The following CDC42BPB variants were observed in gnomAD, a reference collection of about 807,000 sequenced individuals.
CDC42BPB encodes the protein CDC42 binding protein kinase beta.
Under a neutral mutation model 214.9 loss-of-function variants are expected in CDC42BPB, and 37 were observed. The observed-to-expected ratio is 0.17, with a 90% CI of 0.13 to 0.23. The LOEUF is 0.23. Among genes scored for constraint, CDC42BPB ranks in the 10% least tolerant of loss-of-function variants. The pLI is 1.00. For synonymous variants in CDC42BPB, 931 were observed against 884.0 expected (o/e 1.05, Z -0.94); for missense variants, 1,694 against 2,227.0 (o/e 0.76, Z 4.82).
rs1200151719 is a variant in CDC42BPB at position 103,057,355 on chromosome 14, CAG to C, written c.-184_-183del. On this transcript the variant is annotated 5_prime_UTR_variant, in exon 1 of 37. An upstream open reading frame in the 5' UTR loses its in-frame stop. Coordinates refer to ENST00000361246, the MANE Select transcript of CDC42BPB (RefSeq NM_006035.4). ...CATCTTGGGCTCCGTCCCGACGGCG[CAG>C]AGTCTGGGGCGCCGGGCCCCGCGGG... 44 of 1,016,024 alleles carry C rather than the reference CAG, an allele frequency of 4.3e-5. No individual in the cohort carries two copies. The Admixed American group carries it at 5.8e-4, about 13-fold the overall frequency. The allele number at this position is 1,016,024 out of a possible 1,614,324, so 62.9% of individuals were successfully genotyped here.
At chr14:102,945,213 G>GCCCCTGC (rs1318741282) in intron 29 of CDC42BPB, 3 of 457,508 alleles carry the variant, frequency 6.6e-6, no homozygotes, top group South Asian at 4.6e-5. Context: ...GCTCCCCTGG[G>GCCCCTGC]CCCCTGCCCC....
rs759282044 is a variant in CDC42BPB, at chr14:102,964,674, A to C, written c.2578-24T>G. 1.4e-5 allele frequency: 22 copies of C among 1,579,372 alleles called. No homozygotes were observed. In the South Asian group the frequency reaches 2.5e-4, roughly 18 times the overall value. On this transcript the variant is annotated intron_variant, in intron 18 of 36. Coordinates refer to ENST00000361246, the MANE Select transcript of CDC42BPB (RefSeq NM_006035.4). ...TCCTTGAGACACGGTCATGGCGTTA[A>C]AAATGCATTTTCAGTTATCCGCTTG...
In CDC42BPB at chr14:102,946,647, C is replaced by G; in HGVS notation, c.3569G>C (p.Ser1190Thr). 3 of 1,612,782 alleles carry G rather than the reference C, an allele frequency of 1.9e-6. No homozygotes were observed. Among genetic ancestry groups the G allele is most frequent in the Non-Finnish European group, 2.5e-6 (3 of 1,179,948 alleles). The change falls in exon 28 of 37, where the codon AGC becomes ACC. Residue 1190 changes from serine to threonine, a missense_variant. Physicochemically the swap from Ser to Thr is moderately conservative, Grantham distance 58 (BLOSUM62 1). Coordinates refer to ENST00000361246, the MANE Select transcript of CDC42BPB (RefSeq NM_006035.4). ...ATTTTCTGTCAGAATGAGCAGCGAG[C>G]TGGTCTTAGAAGGTGCACCTAAGAG... is the stretch of plus-strand genomic sequence containing the variant. ...ASLLGAPSKT[S>T]SLLILTENEN...
intron 5 of CDC42BPB, among the ~76,000 whole-genome samples, chr14:102,992,106 G>T (rs1236597215): frequency 6.6e-6 from 1 of 152,186 alleles, no homozygotes; most frequent in South Asian, 2.1e-4. Context: ...AGCACTGTGG[G>T]GGGGATGAGG....
chr14:102,999,468 T>C (rs1894883189), intron 5 of CDC42BPB, 97 bp downstream of exon 5: 1 of 1,264,280 alleles, frequency 7.9e-7, no homozygotes, highest in Non-Finnish European at 1.1e-6. Context: ...ACTCGCTACC[T>C]ACATGGCTTC....
chr14:103,008,740 G>C (rs1885985785), intron 2 of CDC42BPB, 185 bp from the exon 3 acceptor site: 1 of 970,568 alleles, frequency 1.0e-6, no homozygotes, highest in African/African-American at 1.8e-5. Context: ...ACAGAGAAAG[G>C]GACCGGCCAC....
chr14:102,983,525 C>CT, intron 7 of CDC42BPB, 31 bp downstream of exon 7: 1 of 1,555,062 alleles, frequency 6.4e-7, no homozygotes, highest in Non-Finnish European at 8.7e-7. Context: ...GAGCCAGGTA[C>CT]CAAAAAAAAA....
chr14:102,975,019 AAG>A (rs949751297), intron 11 of CDC42BPB, among the ~76,000 whole-genome samples: 1 of 152,244 alleles, frequency 6.6e-6, no homozygotes, highest in Non-Finnish European at 1.5e-5. Flanking sequence ...GAACCGCCAA[AAG>A]AAAGTGGTGA....
At chr14:102,946,987 T>C (rs541441477) in intron 27 of CDC42BPB, 1 of 423,308 alleles carries the variant, frequency 2.4e-6, no homozygotes, top group East Asian at 1.6e-4. Context: ...ATAATCATTA[T>C]AAAAGTAGAT....
chr14:102,986,655 G>A (rs928017477), intron 5 of CDC42BPB, 75 bp from the exon 6 acceptor site: 5 of 1,554,354 alleles, frequency 3.2e-6, no homozygotes, highest in Non-Finnish European at 4.3e-6. Context: ...TTAACTAGTG[G>A]TGATCAGATG....
At chr14:102,954,984 A>T (rs1892651172) in intron 21 of CDC42BPB, 1 of 165,646 alleles carries the variant, frequency 6.0e-6, no homozygotes, top group Non-Finnish European at 1.2e-5. Flanking sequence ...ATTTGCCTGG[A>T]GACACCTCTA....
chr14:103,038,719 G>GGA (rs2139736529), intron 1 of CDC42BPB, among the ~76,000 whole-genome samples: 3 of 121,548 alleles, frequency 2.5e-5, no homozygotes, highest in African/African-American at 9.5e-5. Context: ...TAGAGACGGG[G>GGA]GGGGGGGGCG....
intron 9 of CDC42BPB, among the ~76,000 whole-genome samples, chr14:102,977,828 G>A (rs1310306953): frequency 1.3e-5 from 2 of 152,142 alleles, no homozygotes; most frequent in African/African-American, 4.8e-5. Context: ...GAGCATGAAT[G>A]GTTTTAACAT....
intron 5 of CDC42BPB, among the ~76,000 whole-genome samples, chr14:102,988,510 G>A (rs568940151): frequency 6.6e-6 from 1 of 152,302 alleles, no homozygotes; most frequent in South Asian, 2.1e-4. Context: ...GAGCTGTGAT[G>A]AGGATCAGGC....
At chr14:103,011,085 C>T (rs7145445) in intron 2 of CDC42BPB, among the ~76,000 whole-genome samples, 4 of 152,250 alleles carry the variant, frequency 2.6e-5, no homozygotes, top group African/African-American at 9.6e-5. Context: ...TCAAACCACC[C>T]GAGGCGGTAC....
chr14:103,012,239 T>C (rs1184581892), intron 1 of CDC42BPB, 51 bp from the exon 2 acceptor site: 3 of 1,517,930 alleles, frequency 2.0e-6, no homozygotes, highest in Non-Finnish European at 2.7e-6. Context: ...GTTCATACTA[T>C]ATAAAAATTT....
intron 2 of CDC42BPB, chr14:103,008,763 G>A (rs1885987715): frequency 1.7e-5 from 14 of 823,988 alleles, no homozygotes; most frequent in Middle Eastern, 6.1e-4. Context: ...GGGCTCCGGA[G>A]TTTCACTCCT....
intron 1 of CDC42BPB, among the ~76,000 whole-genome samples, chr14:103,029,729 T>C (rs537879475): frequency 4.2e-5 from 6 of 142,982 alleles, no homozygotes; most frequent in Non-Finnish European, 9.2e-5. Flanking sequence ...TGTGGTGGTG[T>C]GCACCTGTAG....
At chr14:103,048,322 C>T (rs1207274998) in intron 1 of CDC42BPB, among the ~76,000 whole-genome samples, 1 of 151,748 alleles carries the variant, frequency 6.6e-6, no homozygotes, top group African/African-American at 2.4e-5. Flanking sequence ...TGCGGGCGGA[C>T]TGCTTGAGGT....
Sources: allele counts gnomAD v4.1 joint callset (sites outside exome capture counted in the v4.1 genomes callset), GRCh38; gene constraint gnomAD v4.1.1; transcripts MANE v1.5; gene names NCBI Gene and HGNC (gene_info 2026-07-23, HGNC 2026-07-21).